Variants in ASTN2 observed in about 807,000 individuals in gnomAD.
ASTN2 encodes the protein astrotactin-2.
A neutral mutation model predicts 139.8 loss-of-function variants in ASTN2; 54 were observed. The observed-to-expected ratio is 0.39, with a 90% CI of 0.31 to 0.48. The LOEUF (loss-of-function observed/expected upper bound fraction) is 0.48, where lower values mean the gene tolerates loss of function less well. Among genes scored for constraint, ASTN2 ranks in the 20% least tolerant of loss-of-function variants. The pLI is 0.95. For synonymous variants in ASTN2, 756 were observed against 719.5 expected, an observed-to-expected ratio of 1.05 and a Z score of -0.81; for missense variants, 1,565 against 1,725.1, an observed-to-expected ratio of 0.91 and a Z score of 1.64.
chr9:117,067,535 T>C (rs1416742945), intron 5 of ASTN2, among the ~76,000 whole-genome samples: 1 of 141,226 alleles, frequency 7.1e-6, no homozygotes, highest in Non-Finnish European at 1.6e-5. Flanking sequence ...TTTTTCCAAT[T>C]CTGTGAAGAA....
rs1231333943 is a variant in ASTN2 at position 116,530,102 on chromosome 9, T to G, written c.3356-42602A>C. Among the ~76,000 whole-genome samples, 20 of 15,466 alleles carry G rather than the reference T, an allele frequency of 1.3e-3. No individual in the cohort carries two copies. The East Asian group carries it at 0.033, about 26-fold the overall frequency. The allele number at this position is 15,466 out of a possible 152,430, so 10.1% of individuals were successfully genotyped here. On this transcript the variant is annotated intron_variant, in intron 19 of 22. Coordinates refer to ENST00000313400, the MANE Select transcript of ASTN2 (RefSeq NM_001365068.1). ...ATGAATGGATAAAGTGTGATATATA[T>G]ATATATATATATATATATATATATA...
chr9:116,561,882 T>C (rs924851829), intron 19 of ASTN2: 12 of 152,242 alleles, frequency 7.9e-5, no homozygotes, highest in African/African-American at 2.9e-4. Context: ...TTCCCTTGAC[T>C]TCCTCTCAAT....
chr9:116,717,184 T>G (rs1484858039), intron 16 of ASTN2, among the ~76,000 whole-genome samples: 1 of 152,232 alleles, frequency 6.6e-6, no homozygotes, highest in Non-Finnish European at 1.5e-5. Flanking sequence ...AAGTGCTTTG[T>G]GTGATGCACT....
chr9:117,334,820 G>A (rs1380339475), intron 1 of ASTN2, among the ~76,000 whole-genome samples: 16 of 152,156 alleles, frequency 1.1e-4, no homozygotes, highest in African/African-American at 3.4e-4. Flanking sequence ...TTGGGAGGCC[G>A]AGGCAGGTGG....
At chr9:116,932,562 T>C (rs1287866152) in intron 10 of ASTN2, among the ~76,000 whole-genome samples, 1 of 152,054 alleles carries the variant, frequency 6.6e-6, no homozygotes, top group East Asian at 1.9e-4. Context: ...CTGCTTCAAA[T>C]GTGGATGGGA....
intron 4 of ASTN2, among the ~76,000 whole-genome samples, chr9:117,135,195 A>T (rs926002373): frequency 6.6e-6 from 1 of 152,226 alleles, no homozygotes; most frequent in Non-Finnish European, 1.5e-5. Flanking sequence ...TCATCTGGGA[A>T]TTTAAATGTG....
At chr9:117,328,857 G>A (rs541921018) in intron 1 of ASTN2, among the ~76,000 whole-genome samples, 1 of 152,334 alleles carries the variant, frequency 6.6e-6, no homozygotes, top group East Asian at 1.9e-4. Flanking sequence ...CTATAGAGTG[G>A]GTGACGGAGA....
chr9:117,000,249 G>A (rs573302810), intron 7 of ASTN2, among the ~76,000 whole-genome samples: 1 of 152,196 alleles, frequency 6.6e-6, no homozygotes, highest in East Asian at 1.9e-4. Flanking sequence ...AAAAAATAAG[G>A]CTTGAATATG....
intron 13 of ASTN2, among the ~76,000 whole-genome samples, chr9:116,773,305 A>G (rs1830001817): frequency 6.6e-6 from 1 of 152,224 alleles, no homozygotes; most frequent in African/African-American, 2.4e-5. Context: ...GTCTGTATGA[A>G]CCTTCCCAAC....
intron 10 of ASTN2, among the ~76,000 whole-genome samples, chr9:116,959,481 TGCGGTTTA>T (rs1172020411): frequency 6.6e-6 from 1 of 152,106 alleles, no homozygotes; most frequent in Non-Finnish European, 1.5e-5. Context: ...AAAGCAAGTT[TGCGGTTTA>T]GATGAATCCA....
At chr9:116,962,418 A>C (rs1025477336) in intron 10 of ASTN2, among the ~76,000 whole-genome samples, 1 of 152,154 alleles carries the variant, frequency 6.6e-6, no homozygotes, top group African/African-American at 2.4e-5. Flanking sequence ...TAGGAACCAA[A>C]TCCCTCATTT....
chr9:116,949,868 C>A (rs1334609471), intron 10 of ASTN2, among the ~76,000 whole-genome samples: 1 of 152,152 alleles, frequency 6.6e-6, no homozygotes, highest in Non-Finnish European at 1.5e-5. Context: ...AATAATTGTA[C>A]CTATCTCATA....
intron 10 of ASTN2, among the ~76,000 whole-genome samples, chr9:116,903,876 T>C (rs1834087290): frequency 6.6e-6 from 1 of 152,196 alleles, no homozygotes; most frequent in Non-Finnish European, 1.5e-5. Context: ...GGGACTGGCA[T>C]AGCAGATGGG....
At chr9:117,274,796 G>C (rs1394105398) in intron 2 of ASTN2, among the ~76,000 whole-genome samples, 4 of 152,186 alleles carry the variant, frequency 2.6e-5, no homozygotes, top group Admixed American at 6.5e-5. Flanking sequence ...TCTTCAAAAG[G>C]GGTGGGCCTT....
intron 19 of ASTN2, among the ~76,000 whole-genome samples, chr9:116,521,980 C>A (rs1850896070): frequency 6.6e-6 from 1 of 151,924 alleles, no homozygotes; most frequent in Admixed American, 6.6e-5. Context: ...CTCACTCCAG[C>A]AAGAATGGCC....
At chr9:116,803,277 T>G (rs41518847) in intron 13 of ASTN2, among the ~76,000 whole-genome samples, 36,413 of 149,580 alleles carry the variant, frequency 0.24, 4,782 homozygotes, top group East Asian at 0.49. Context: ...ATCCAGACTA[T>G]CCTTAAATTT....
intron 2 of ASTN2, among the ~76,000 whole-genome samples, chr9:117,278,754 G>T (rs970673443): frequency 4.6e-5 from 7 of 152,180 alleles, no homozygotes; most frequent in African/African-American, 1.4e-4. Context: ...TTTGAATTGG[G>T]TAATTGTTTG....
At chr9:116,631,064 G>A (rs1228670670) in intron 17 of ASTN2, among the ~76,000 whole-genome samples, 1 of 152,148 alleles carries the variant, frequency 6.6e-6, no homozygotes, top group Non-Finnish European at 1.5e-5. Flanking sequence ...AACAAATGCT[G>A]ACATAAATGG....
intron 12 of ASTN2, 47 bp downstream of exon 12, chr9:116,820,570 C>T: frequency 6.3e-7 from 1 of 1,589,724 alleles, no homozygotes; most frequent in Non-Finnish European, 8.6e-7. Context: ...CCATGCATCC[C>T]TCACTTCTGT....
Sources: gnomAD v4.1 joint callset for allele counts (sites outside exome capture counted in the v4.1 genomes callset) on GRCh38, gnomAD v4.1.1 for gene constraint, MANE v1.5 for transcripts, NCBI Gene and HGNC (gene_info 2026-07-23, HGNC 2026-07-21) for gene names.